SLC25A31: variants seen among roughly 807,000 people sequenced by gnomAD.
SLC25A31 encodes solute carrier family 25 member 31, also known as ADP/ATP translocase 4.
SLC25A31 carries 40 observed loss-of-function variants against 36.2 expected under a neutral mutation model. The observed-to-expected ratio is 1.10, with a 90% confidence interval of 0.86 to 1.44. SLC25A31 has a LOEUF of 1.44. SLC25A31 is among the 40% of genes most tolerant of loss of function. SLC25A31 has a pLI of 0.00. For synonymous variants in SLC25A31, 143 were observed against 149.7 expected, an observed-to-expected ratio of 0.96 and a Z score of 0.32; for missense variants, 350 against 397.1, an observed-to-expected ratio of 0.88 and a Z score of 1.01.
At chr4:127,769,016 T>C (rs1307976631) in intron 5 of SLC25A31, 139 bp downstream of exon 5, 1 of 751,758 alleles carries the variant, frequency 1.3e-6, no homozygotes, top group Non-Finnish European at 2.0e-6. Context: ...CATGATGTAT[T>C]CTGTCTTATA....
chr4:127,746,114 A>G (rs923900299), intron 2 of SLC25A31, among the ~76,000 whole-genome samples: 5 of 152,146 alleles, frequency 3.3e-5, no homozygotes, highest in African/African-American at 9.7e-5. Flanking sequence ...AACTCTGTTC[A>G]TGTTCCCACA....
chr4:127,735,895 TA>T (rs66487017), intron 1 of SLC25A31, among the ~76,000 whole-genome samples: 27,559 of 84,768 alleles, frequency 0.33, 3,754 homozygotes, highest in Middle Eastern at 0.47. Flanking sequence ...TTTATTTATT[TA>T]TTTTTTTTTT....
chr4:127,768,942 CA>C (rs777468329), intron 5 of SLC25A31, 65 bp downstream of exon 5: 279 of 1,425,368 alleles, frequency 2.0e-4, no homozygotes, highest in Non-Finnish European at 2.4e-4. Context: ...TAGGTATAAT[CA>C]AATTTAAGAG....
chr4:127,773,600 T>C lies in SLC25A31; in HGVS notation c.*26T>C, dbSNP rs1732410710. 6.7e-7 allele frequency: 1 copy of C among 1,502,760 alleles called. No individual in the cohort carries two copies. Among genetic ancestry groups the C allele is most frequent in the African/African-American group, 1.4e-5 (1 of 71,362 alleles). The allele number at this position is 1,502,760 out of a possible 1,614,324, so 93.1% of individuals were successfully genotyped here. A position where few individuals can be genotyped will look rare whatever the true frequency, so the allele number is the denominator to read the frequency against. On this transcript the variant is annotated 3_prime_UTR_variant, in exon 6 of 6. Coordinates refer to ENST00000281154, the MANE Select transcript of SLC25A31 (RefSeq NM_031291.4). The stretch of plus-strand genomic sequence containing the variant: ...TCGGGAGAGTAAATTAAGAAATACA[T>C]GGATTTAACTTGTTAAACATACAAA...
At chr4:127,770,585 A>G (rs537311850) in intron 5 of SLC25A31, among the ~76,000 whole-genome samples, 20 of 152,020 alleles carry the variant, frequency 1.3e-4, no homozygotes, top group Admixed American at 3.9e-4. Flanking sequence ...AGATGGCGCC[A>G]CTGCACTCCA....
In SLC25A31 at chr4:127,768,736, C is replaced by CT. The variant is rs752249383; in HGVS notation, c.634-16_634-15insT. The CT allele has an allele frequency of 3.6e-5, 57 of 1,565,880 alleles. No homozygotes were observed. Among genetic ancestry groups the CT allele is most frequent in the Non-Finnish European group, 4.8e-5 (56 of 1,161,846 alleles). On this transcript the variant is annotated splice_polypyrimidine_tract_variant and intron_variant, in intron 4 of 5. Coordinates refer to ENST00000281154, the MANE Select transcript of SLC25A31 (RefSeq NM_031291.4). ...TAGAAATTTGGATAGTTACTTGGCA[C>CT]ATTTTTCTTTTCTAGGGTTTATTAC...
At chr4:127,734,762 A>T (rs1731592877) in intron 1 of SLC25A31, among the ~76,000 whole-genome samples, 1 of 152,088 alleles carries the variant, frequency 6.6e-6, no homozygotes, top group South Asian at 2.1e-4. Context: ...GGGGTATGGG[A>T]AGAAAATATT....
chr4:127,754,206 A>G (rs1731988209), intron 2 of SLC25A31, among the ~76,000 whole-genome samples: 1 of 152,182 alleles, frequency 6.6e-6, no homozygotes, highest in Admixed American at 6.5e-5. Context: ...TACAACAGTG[A>G]AAAGTTGAAA....
chr4:127,752,357 G>T (rs1039710688), intron 2 of SLC25A31, among the ~76,000 whole-genome samples: 8 of 151,918 alleles, frequency 5.3e-5, no homozygotes, highest in Admixed American at 1.3e-4. Context: ...CTCATAGGTG[G>T]GAATTGAACA....
chr4:127,732,700 A>G (rs996537996), intron 1 of SLC25A31, among the ~76,000 whole-genome samples: 4 of 152,172 alleles, frequency 2.6e-5, no homozygotes, highest in Non-Finnish European at 5.9e-5. Context: ...TCCTTGCTTT[A>G]AGTTCCAAGA....
intron 2 of SLC25A31, among the ~76,000 whole-genome samples, chr4:127,751,050 T>C (rs939797747): frequency 7.9e-5 from 12 of 152,192 alleles, no homozygotes; most frequent in African/African-American, 2.9e-4. Flanking sequence ...AATGACTTTC[T>C]TCACAGAATT....
chr4:127,764,604 AT>A (rs894140649), intron 3 of SLC25A31, among the ~76,000 whole-genome samples: 2 of 150,942 alleles, frequency 1.3e-5, no homozygotes, highest in Admixed American at 1.3e-4. Flanking sequence ...ACTTAGTCCC[AT>A]TTTTTTTTCC....
chr4:127,756,355 A>C (rs1289509690), intron 2 of SLC25A31, among the ~76,000 whole-genome samples: 5 of 152,206 alleles, frequency 3.3e-5, no homozygotes, highest in African/African-American at 4.8e-5. Flanking sequence ...GACTTTGTAC[A>C]TCCCACTTAT....
chr4:127,742,988 C>A (rs1261196449), intron 1 of SLC25A31, among the ~76,000 whole-genome samples: 3 of 151,958 alleles, frequency 2.0e-5, no homozygotes, highest in Non-Finnish European at 4.4e-5. Flanking sequence ...AATAAAGCTT[C>A]ATCTATTATA....
intron 1 of SLC25A31, among the ~76,000 whole-genome samples, chr4:127,738,673 T>C (rs1407235280): frequency 6.6e-6 from 1 of 152,206 alleles, no homozygotes; most frequent in African/African-American, 2.4e-5. Flanking sequence ...GTTCATTTTC[T>C]GCCTTGATGG....
Position 127,730,765 on chromosome 4 carries a change from C to T in SLC25A31, c.220C>T (p.Pro74Ser), listed in dbSNP as rs555840060. 4.3e-6 allele frequency: 7 copies of T among 1,610,072 alleles called. No homozygotes were observed. The highest frequency in any genetic ancestry group is 3.3e-5 in the South Asian group (3 of 90,980). ...KGMVDCLVRIPREQGFFSFWR... is the reference protein window; with the variant it reads ...KGMVDCLVRISREQGFFSFWR... ...CATGGTGGACTGCCTGGTGCGGATTCCTCGCGAGCAGGGTGCGTCAAGGCA... is the reference window on the plus strand; with the variant it reads ...CATGGTGGACTGCCTGGTGCGGATTTCTCGCGAGCAGGGTGCGTCAAGGCA... Residue 74 changes from proline (P) to serine (S), a missense_variant, in exon 1 of 6, where the codon CCT becomes TCT. By Grantham distance (74) the Pro-to-Ser change is moderately conservative (BLOSUM62 -1). Transcript: ENST00000281154.
At chr4:127,760,103 G>A (rs778682668) in intron 2 of SLC25A31, among the ~76,000 whole-genome samples, 28 of 152,148 alleles carry the variant, frequency 1.8e-4, no homozygotes, top group Non-Finnish European at 4.0e-4. Flanking sequence ...ACACAACTGA[G>A]TCATGTTAAA....
chr4:127,767,044 AT>A lies in SLC25A31; in HGVS notation c.479-18del, dbSNP rs1365751916. 7.5e-6 allele frequency: 12 copies of A among 1,598,890 alleles called. No individual in the cohort carries two copies. In the Admixed American group the frequency reaches 1.9e-4, roughly 26 times the overall value. Reference sequence around the variant, plus strand: ...ATTGGATATATAATGTTGCTAATAGATTTTAAATGGCTTTATTTTAGGTCCT... The same window carrying A: ...ATTGGATATATAATGTTGCTAATAGATTTAAATGGCTTTATTTTAGGTCCT... On this transcript the variant is annotated intron_variant, in intron 3 of 5. Coordinates refer to ENST00000281154, the MANE Select transcript of SLC25A31 (RefSeq NM_031291.4).
chr4:127,745,139 G>A (rs1449719058), intron 2 of SLC25A31, among the ~76,000 whole-genome samples: 3 of 152,096 alleles, frequency 2.0e-5, no homozygotes, highest in Admixed American at 2.0e-4. Context: ...AAATCAACAA[G>A]TACGTAGTTC....
Sources: gnomAD v4.1 joint callset for allele counts (sites outside exome capture counted in the v4.1 genomes callset) on GRCh38, gnomAD v4.1.1 for gene constraint, MANE v1.5 for transcripts, NCBI Gene and HGNC (gene_info 2026-07-23, HGNC 2026-07-21) for gene names.